Variants in POU6F2 observed in about 807,000 individuals in gnomAD.
POU6F2 encodes POU class 6 homeobox 2.
In POU6F2, 31 loss-of-function variants were observed where a neutral mutation model predicts 71.3. The observed-to-expected ratio is 0.43, with a 90% CI of 0.33 to 0.59. The LOEUF is 0.59. Ranked by LOEUF, POU6F2 falls within the 20% of genes least tolerant of loss-of-function variation. POU6F2 has a pLI of 0.04. For synonymous variants in POU6F2, 347 were observed against 355.7 expected (o/e 0.98, Z 0.27); for missense variants, 783 against 856.8 (o/e 0.91, Z 1.07).
At chr7:39,311,091 G>A (rs1302217152) in intron 4 of POU6F2, among the ~76,000 whole-genome samples, 1 of 151,950 alleles carries the variant, frequency 6.6e-6, no homozygotes, top group Non-Finnish European at 1.5e-5. Context: ...AGCAGGGAGT[G>A]GGTTACCAAG....
intron 1 of POU6F2, among the ~76,000 whole-genome samples, chr7:38,996,943 C>A (rs1014330900): frequency 4.6e-5 from 7 of 152,336 alleles, no homozygotes; most frequent in African/African-American, 1.7e-4. Context: ...TCTTGCTCCA[C>A]CCTCCCTTCC....
chr7:39,199,069 G>T (rs1480663160), intron 2 of POU6F2, among the ~76,000 whole-genome samples: 2 of 152,176 alleles, frequency 1.3e-5, no homozygotes, highest in Non-Finnish European at 2.9e-5. Context: ...TTATGTTTGT[G>T]CTAATGCAGA....
intron 5 of POU6F2, among the ~76,000 whole-genome samples, chr7:39,386,088 A>G (rs1311933531): frequency 6.7e-6 from 1 of 149,124 alleles, no homozygotes; most frequent in East Asian, 2.0e-4. Flanking sequence ...ACTGCACTCC[A>G]GCCTGGGCAA....
At chr7:39,268,503 A>G (rs1291173279) in intron 4 of POU6F2, among the ~76,000 whole-genome samples, 4 of 152,134 alleles carry the variant, frequency 2.6e-5, no homozygotes, top group African/African-American at 9.7e-5. Flanking sequence ...TAAGTTGCTC[A>G]AGCAGAAGTG....
intron 2 of POU6F2, among the ~76,000 whole-genome samples, chr7:39,089,818 T>C (rs563846381): frequency 6.6e-6 from 1 of 152,206 alleles, no homozygotes; most frequent in African/African-American, 2.4e-5. Context: ...TTTTCTCCCA[T>C]ATATATTTGA....
At chr7:39,376,921 ATATT>A (rs962969976) in intron 5 of POU6F2, among the ~76,000 whole-genome samples, 31 of 146,130 alleles carry the variant, frequency 2.1e-4, no homozygotes, top group South Asian at 1.3e-3. Context: ...TATATATTTA[ATATT>A]TATTTAGTAT....
chr7:39,179,213 A>T (rs1388214003), intron 2 of POU6F2, among the ~76,000 whole-genome samples: 1 of 152,220 alleles, frequency 6.6e-6, no homozygotes, highest in African/African-American at 2.4e-5. Flanking sequence ...ACCAGAGAGG[A>T]TGCTCCTTCA....
chr7:39,041,422 G>C (rs1399500048), intron 1 of POU6F2, among the ~76,000 whole-genome samples: 1 of 151,932 alleles, frequency 6.6e-6, no homozygotes, highest in Admixed American at 6.6e-5. Context: ...TTGGTAGATT[G>C]CTCTCCAAAA....
At chr7:39,207,788 A>G (rs1794052385) in intron 4 of POU6F2, among the ~76,000 whole-genome samples, 168 bp downstream of exon 4, 1 of 152,250 alleles carries the variant, frequency 6.6e-6, no homozygotes, top group Non-Finnish European at 1.5e-5. Context: ...TTGTCTGTGA[A>G]TCCTGAGCCT....
chr7:39,260,419 AAC>A (rs1385908852), intron 4 of POU6F2, among the ~76,000 whole-genome samples: 2 of 149,450 alleles, frequency 1.3e-5, no homozygotes, highest in African/African-American at 4.9e-5. Flanking sequence ...ACACACCAGA[AAC>A]ACACATATAC....
rs5883669 is a variant in POU6F2 at position 38,996,035 on chromosome 7, C to CTTTTTTTTT, written c.105+17991_105+17999dup. ...TGAAGCTCCTTAGTAAGGGGCTTGGCTTTTTTTTTTTTTTTTTTTTTTAGA... is the reference window on the plus strand; with the variant it reads ...TGAAGCTCCTTAGTAAGGGGCTTGGCTTTTTTTTTTTTTTTTTTTTTTTTTTTTTTTAGA... On this transcript the variant is annotated intron_variant, in intron 1 of 9. Coordinates refer to ENST00000518318, the MANE Select transcript of POU6F2 (RefSeq NM_001370959.1). 5.2e-3 allele frequency among the ~76,000 whole-genome samples: 440 copies of CTTTTTTTTT among 85,304 alleles called. 13 individuals carry two copies. Among genetic ancestry groups the CTTTTTTTTT allele is most frequent in the East Asian group, 6.8e-3 (14 of 2,062 alleles). The allele number at this position is 85,304 out of a possible 152,430, so 56.0% of individuals were successfully genotyped here.
At chr7:39,066,451 T>A (rs1790754423) in intron 1 of POU6F2, among the ~76,000 whole-genome samples, 1 of 151,786 alleles carries the variant, frequency 6.6e-6, no homozygotes, top group Non-Finnish European at 1.5e-5. Context: ...AATATATATG[T>A]GTACAGTCCT....
At chr7:39,176,992 A>C (rs2128740416) in intron 2 of POU6F2, among the ~76,000 whole-genome samples, 1 of 152,292 alleles carries the variant, frequency 6.6e-6, no homozygotes, top group Non-Finnish European at 1.5e-5. Flanking sequence ...CTCATGACTT[A>C]CTCTTCAACC....
intron 1 of POU6F2, among the ~76,000 whole-genome samples, chr7:38,995,426 C>T (rs951716728): frequency 2.0e-5 from 3 of 151,844 alleles, no homozygotes; most frequent in Non-Finnish European, 4.4e-5. Context: ...ACAAATGTAA[C>T]AAATCTGCAC....
chr7:39,111,937 G>A lies in POU6F2; in HGVS notation c.277+25906G>A, dbSNP rs138664114. Among the ~76,000 whole-genome samples the A allele has an allele frequency of 5.5e-3, 832 of 152,052 alleles. 3 individuals are homozygous for A. The highest frequency in any genetic ancestry group is 8.8e-3 in the Non-Finnish European group (597 of 67,954). On this transcript the variant is annotated intron_variant, in intron 2 of 9. Coordinates refer to ENST00000518318, the MANE Select transcript of POU6F2 (RefSeq NM_001370959.1). The stretch of plus-strand genomic sequence containing the variant: ...AAACCCCAATGGGTGGAAGCTTTAG[G>A]GAATTGAATTTGTCATGATGCAAGA...
At chr7:39,064,617 TATTA>T (rs1408740048) in intron 1 of POU6F2, among the ~76,000 whole-genome samples, 6 of 151,838 alleles carry the variant, frequency 4.0e-5, no homozygotes, top group Non-Finnish European at 5.9e-5. Context: ...AGATCAAATA[TATTA>T]ATTATGGCAA....
At chr7:39,164,623 G>A (rs190104491) in intron 2 of POU6F2, among the ~76,000 whole-genome samples, 1 of 151,790 alleles carries the variant, frequency 6.6e-6, no homozygotes, top group Non-Finnish European at 1.5e-5. Flanking sequence ...AGCTGCTGGT[G>A]GTCCTTAGGG....
intron 2 of POU6F2, among the ~76,000 whole-genome samples, chr7:39,092,836 G>A (rs1434287617): frequency 6.6e-6 from 1 of 152,168 alleles, no homozygotes; most frequent in African/African-American, 2.4e-5. Context: ...GCAGAGGTCA[G>A]AAAGAATAAC....
At chr7:39,406,449 G>A (rs1248849147) in intron 5 of POU6F2, 151 bp from the exon 6 acceptor site, 2 of 814,842 alleles carry the variant, frequency 2.5e-6, no homozygotes, top group South Asian at 1.8e-5. Flanking sequence ...AGAGCTTCCG[G>A]GGGAATGTTC....
Sources: allele counts gnomAD v4.1 joint callset (sites outside exome capture counted in the v4.1 genomes callset), GRCh38; gene constraint gnomAD v4.1.1; transcripts MANE v1.5; gene names NCBI Gene and HGNC (gene_info 2026-07-23, HGNC 2026-07-21).